KLHL1: variants seen among roughly 807,000 people sequenced by gnomAD.
KLHL1 encodes the protein kelch-like protein 1.
Under a neutral mutation model 77.7 loss-of-function variants are expected in KLHL1, and 47 were observed. The observed-to-expected ratio is 0.60, with a 90% CI of 0.48 to 0.77. The LOEUF is 0.77. Among genes scored for constraint, KLHL1 ranks in the 30% least tolerant of loss-of-function variants. The pLI is 0.00. For missense variants in KLHL1, 925 were observed against 910.8 expected (o/e 1.02, Z -0.20); for synonymous variants, 360 against 325.2 (o/e 1.11, Z -1.15).
chr13:70,093,833 AT>A (rs1247481813), intron 1 of KLHL1, among the ~76,000 whole-genome samples: 2 of 152,300 alleles, frequency 1.3e-5, no homozygotes, highest in African/African-American at 4.8e-5. Flanking sequence ...CCATTTGGCA[AT>A]TAGAACTGCA....
At chr13:70,024,657 T>G (rs964413267) in intron 1 of KLHL1, among the ~76,000 whole-genome samples, 5 of 147,902 alleles carry the variant, frequency 3.4e-5, no homozygotes, top group African/African-American at 7.5e-5. Flanking sequence ...TCTCTCTCTC[T>G]CTCGCTCTGG....
chr13:70,055,094 C>T (rs1886714035), intron 1 of KLHL1, among the ~76,000 whole-genome samples: 1 of 151,998 alleles, frequency 6.6e-6, no homozygotes, highest in South Asian at 2.1e-4. Flanking sequence ...ATCAAGCAGA[C>T]TTAACCCAAA....
chr13:69,859,405 ATATT>A (rs1201212501), intron 5 of KLHL1, among the ~76,000 whole-genome samples: 1 of 151,900 alleles, frequency 6.6e-6, no homozygotes, highest in Non-Finnish European at 1.5e-5. Flanking sequence ...AGAGGGAAGA[ATATT>A]TATTTCTCTA....
chr13:69,799,235 A>G (rs1448481711), intron 6 of KLHL1, among the ~76,000 whole-genome samples: 7 of 152,226 alleles, frequency 4.6e-5, no homozygotes, highest in Non-Finnish European at 1.0e-4. Context: ...GGAAGAAAGT[A>G]CTTGAACAAC....
chr13:69,944,200 A>G (rs1181971386), intron 3 of KLHL1, among the ~76,000 whole-genome samples: 5 of 152,142 alleles, frequency 3.3e-5, no homozygotes, highest in African/African-American at 1.2e-4. Flanking sequence ...GGGAGTCTGA[A>G]ATTTTGTTCT....
intron 6 of KLHL1, among the ~76,000 whole-genome samples, chr13:69,804,447 T>G (rs567528460): frequency 6.6e-6 from 1 of 152,066 alleles, no homozygotes; most frequent in South Asian, 2.1e-4. Flanking sequence ...GATAAAAAGT[T>G]TTCTCAACTG....
intron 8 of KLHL1, among the ~76,000 whole-genome samples, chr13:69,722,387 A>G (rs963815423): frequency 6.6e-6 from 1 of 151,956 alleles, no homozygotes; most frequent in Non-Finnish European, 1.5e-5. Flanking sequence ...ATGACATACA[A>G]CCTACCAAGA....
chr13:69,951,939 C>A (rs1883724092), intron 3 of KLHL1, among the ~76,000 whole-genome samples: 1 of 151,328 alleles, frequency 6.6e-6, no homozygotes, highest in South Asian at 2.1e-4. Context: ...GATAAGTATG[C>A]AATTCTTTCT....
intron 9 of KLHL1, among the ~76,000 whole-genome samples, chr13:69,718,296 A>G (rs1399179124): frequency 6.6e-6 from 1 of 152,144 alleles, no homozygotes; most frequent in Non-Finnish European, 1.5e-5. Flanking sequence ...TCATTGTAGT[A>G]CAAATAAAAG....
At chr13:70,090,468 G>A (rs1437675760) in intron 1 of KLHL1, among the ~76,000 whole-genome samples, 1 of 146,236 alleles carries the variant, frequency 6.8e-6, no homozygotes, top group Non-Finnish European at 1.5e-5. Context: ...TCATATTCAA[G>A]GTTTATTGAA....
At chr13:69,784,246 A>T (rs1288221669) in intron 7 of KLHL1, among the ~76,000 whole-genome samples, 1 of 152,206 alleles carries the variant, frequency 6.6e-6, no homozygotes, top group African/African-American at 2.4e-5. Flanking sequence ...AAATGTAAAG[A>T]CCATCAAGGC....
Position 69,717,845 on chromosome 13 carries a change from G to C in KLHL1, c.2015+1524C>G, listed in dbSNP as rs555163981. Among the ~76,000 whole-genome samples, 3 of 152,214 alleles carry C rather than the reference G, an allele frequency of 2.0e-5. No homozygotes were observed. The East Asian group carries it at 5.8e-4, about 29-fold the overall frequency. The stretch of plus-strand genomic sequence containing the variant: ...TAGGACTCTGGCCACTGTCTTCATT[G>C]TGACACCTGTAGTTCCTGATTTCCG... On this transcript the variant is annotated intron_variant, in intron 9 of 10. Coordinates refer to ENST00000377844, the MANE Select transcript of KLHL1 (RefSeq NM_020866.3).
intron 5 of KLHL1, among the ~76,000 whole-genome samples, chr13:69,839,806 T>C (rs1437230361): frequency 2.0e-5 from 3 of 152,044 alleles, no homozygotes; most frequent in Non-Finnish European, 4.4e-5. Flanking sequence ...GTCTATTTTT[T>C]GCTATAATAG....
chr13:69,926,946 C>CAAAAAAAAAAA lies in KLHL1; in HGVS notation c.1014+13083_1014+13093dup, dbSNP rs71116960. Among the ~76,000 whole-genome samples the CAAAAAAAAAAA allele has an allele frequency of 1.9e-3, 67 of 36,030 alleles. 21 individuals carry two copies. Among genetic ancestry groups the CAAAAAAAAAAA allele is most frequent in the Admixed American group, 3.0e-3 (5 of 1,692 alleles). 23.6% of individuals were successfully genotyped at this position (36,030 alleles called of 152,430 possible). A position where few individuals can be genotyped will look rare whatever the true frequency, so the allele number is the denominator to read the frequency against. The stretch of plus-strand genomic sequence containing the variant: ...TGGGTGACAGAGTGAGACTCCATCT[C>CAAAAAAAAAAA]AAAAAAAAAAAAAAAAAAAAAAAAG... On this transcript the variant is annotated intron_variant, in intron 4 of 10. Coordinates refer to ENST00000377844, the MANE Select transcript of KLHL1 (RefSeq NM_020866.3).
Position 70,096,789 on chromosome 13 carries a change from A to G in KLHL1, c.497+10414T>C, listed in dbSNP as rs554315442. On this transcript the variant is annotated intron_variant, in intron 1 of 10. Transcript: ENST00000377844. ...GATTGTTTCCAGATAGTCTTAAAGG[A>G]GAGAAATCACAACATGGCTGGCTAC... Among the ~76,000 whole-genome samples, 43 of 152,058 alleles carry G rather than the reference A, an allele frequency of 2.8e-4. No individual in the cohort carries two copies. The South Asian group carries it at 8.7e-3, about 31-fold the overall frequency.
intron 6 of KLHL1, among the ~76,000 whole-genome samples, chr13:69,829,368 A>G (rs1878671093): frequency 6.7e-6 from 1 of 150,166 alleles, no homozygotes. Flanking sequence ...GCTCTCAGGA[A>G]GCTCCATCCA....
chr13:69,802,794 G>A (rs1877447364), intron 6 of KLHL1: 1 of 152,100 alleles, frequency 6.6e-6, no homozygotes, highest in South Asian at 2.1e-4. Context: ...CGGCTCTTGA[G>A]ACAGGAGTCT....
At chr13:69,777,244 C>T (rs1875877575) in intron 7 of KLHL1, among the ~76,000 whole-genome samples, 1 of 152,066 alleles carries the variant, frequency 6.6e-6, no homozygotes, top group Non-Finnish European at 1.5e-5. Context: ...TCTATTAAAC[C>T]TCTTTTTCTT....
intron 1 of KLHL1, among the ~76,000 whole-genome samples, chr13:70,039,624 T>C (rs1886324364): frequency 1.3e-5 from 2 of 151,540 alleles, no homozygotes; most frequent in Non-Finnish European, 1.5e-5. Context: ...TGCCTGCCTT[T>C]GGATTCCTTG....
Sources: gnomAD v4.1 joint callset for allele counts (sites outside exome capture counted in the v4.1 genomes callset) on GRCh38, gnomAD v4.1.1 for gene constraint, MANE v1.5 for transcripts, NCBI Gene and HGNC (gene_info 2026-07-23, HGNC 2026-07-21) for gene names.